ABCD2: variants seen among roughly 807,000 people sequenced by gnomAD.
ABCD2 encodes ATP-binding cassette sub-family D member 2.
A neutral mutation model predicts 70.9 loss-of-function variants in ABCD2; 36 were observed. The ratio of observed to expected loss-of-function variants is 0.51; its 90% CI spans 0.39 to 0.67. The LOEUF (loss-of-function observed/expected upper bound fraction) is 0.67. Among genes scored for constraint, ABCD2 ranks in the 30% least tolerant of loss-of-function variants. ABCD2 has a pLI of 0.00. For missense variants in ABCD2, 729 were observed against 890.2 expected (o/e 0.82, Z 2.30); for synonymous variants, 304 against 306.9 (o/e 0.99, Z 0.10).
At chr12:39,544,035 T>A in the ABCD2 span, among the ~76,000 whole-genome samples, 2 of 152,312 alleles carry the variant, frequency 1.3e-5, no homozygotes, top group East Asian at 3.9e-4. Context: ...GAAAGAGTAA[T>A]TCATGCAGAG....
chr12:39,562,991 A>G (rs1305395705), intron 9 of ABCD2, among the ~76,000 whole-genome samples: 1 of 152,212 alleles, frequency 6.6e-6, no homozygotes, highest in Middle Eastern at 3.2e-3. Context: ...CATCCTGGAG[A>G]TGCAAGAAAG....
intron 4 of ABCD2, 22 bp from the exon 5 acceptor site, chr12:39,604,028 A>C (rs1941936772): frequency 6.7e-7 from 1 of 1,488,584 alleles, no homozygotes; most frequent in Non-Finnish European, 9.4e-7. Flanking sequence ...AAAAAGTGTA[A>C]GATACAAACA....
At chr12:39,569,403 G>A (rs932344754) in intron 9 of ABCD2, among the ~76,000 whole-genome samples, 2 of 152,208 alleles carry the variant, frequency 1.3e-5, no homozygotes, top group African/African-American at 4.8e-5. Flanking sequence ...GCAAGGCTCC[G>A]TGGGCATAGT....
At chr12:39,572,386 T>C (rs994274038) in intron 9 of ABCD2, among the ~76,000 whole-genome samples, 1 of 152,210 alleles carries the variant, frequency 6.6e-6, no homozygotes, top group Admixed American at 6.5e-5. Context: ...ATGTCATTAT[T>C]GTCTTAAAGA....
intron 3 of ABCD2, among the ~76,000 whole-genome samples, chr12:39,605,498 C>T (rs1025580049): frequency 1.1e-4 from 16 of 152,058 alleles, no homozygotes; most frequent in African/African-American, 3.4e-4. Context: ...TGAAGCCAAA[C>T]ATGATTTATA....
chr12:39,531,778 G>A, the ABCD2 span, among the ~76,000 whole-genome samples: 21 of 152,298 alleles, frequency 1.4e-4, no homozygotes, highest in Admixed American at 1.2e-3. Flanking sequence ...AGCATCATTG[G>A]AAGTCTGTAC....
intron 6 of ABCD2, among the ~76,000 whole-genome samples, chr12:39,596,018 A>T (rs1162655195): frequency 1.3e-5 from 2 of 152,198 alleles, no homozygotes; most frequent in Non-Finnish European, 2.9e-5. Context: ...TCCAGTATGT[A>T]CTGATGACTT....
intron 6 of ABCD2, among the ~76,000 whole-genome samples, chr12:39,592,081 C>T: frequency 6.6e-6 from 1 of 152,060 alleles, no homozygotes; most frequent in South Asian, 2.1e-4. Flanking sequence ...CTGAACTGTA[C>T]CAACTACTAC....
At chr12:39,544,797 C>CGAA in the ABCD2 span, among the ~76,000 whole-genome samples, 1 of 152,142 alleles carries the variant, frequency 6.6e-6, no homozygotes, top group Non-Finnish European at 1.5e-5. Flanking sequence ...TTGCAACTGT[C>CGAA]TGAGTGTACT....
At chr12:39,567,303 A>G (rs1283220586) in intron 9 of ABCD2, among the ~76,000 whole-genome samples, 4 of 152,210 alleles carry the variant, frequency 2.6e-5, no homozygotes, top group Non-Finnish European at 5.9e-5. Context: ...TGCTTTATGC[A>G]TCTGGGTGCT....
Position 39,554,043 on chromosome 12 carries a change from C to A in ABCD2, c.2092G>T (p.Glu698Ter), listed in dbSNP as rs202117269. The change falls in exon 10 of 10, where the codon GAA becomes TAA. Residue 698 changes from glutamate to a stop codon, truncating the protein, a stop_gained. Coordinates refer to ENST00000308666, the MANE Select transcript of ABCD2 (RefSeq NM_005164.4). LOFTEE classifies it high-confidence loss of function. ...LDTAIRLTLS[E>*]EKQKLESQLA... ...TGAGATTCTAGCTTTTGTTTTTCTT[C>A]ACTCAATGTCAAACGGATAGCAGTA... 4.6e-5 allele frequency: 75 copies of A among 1,613,668 alleles called. No homozygotes were observed. Among genetic ancestry groups the A allele is most frequent in the Non-Finnish European group, 6.3e-5 (74 of 1,179,828 alleles).
intron 9 of ABCD2, among the ~76,000 whole-genome samples, chr12:39,558,860 T>C (rs1189076430): frequency 6.6e-6 from 1 of 151,734 alleles, no homozygotes; most frequent in Non-Finnish European, 1.5e-5. Flanking sequence ...ATTAGAGAAA[T>C]GCAACAGATA....
At position 39,553,947 on chromosome 12, in the gene ABCD2, G is replaced by A; in HGVS notation, c.2188C>T (p.Leu730=). The change falls in exon 10 of 10, where the codon CTG becomes TTG. Residue 730 remains leucine (L), a synonymous_variant. Coordinates refer to ENST00000308666, the MANE Select transcript of ABCD2 (RefSeq NM_005164.4). ...LCKILGEDSV[L]KTIKNEDETS ...TCATCTTCATTTTTAATTGTTTTCAGCACTGAGTCTTCTCCCAAAATTTTA... is the reference window on the plus strand; with the variant it reads ...TCATCTTCATTTTTAATTGTTTTCAACACTGAGTCTTCTCCCAAAATTTTA... 6.2e-7 allele frequency: 1 copy of A among 1,612,268 alleles called. No individual in the cohort carries two copies. Among genetic ancestry groups the A allele is most frequent in the Non-Finnish European group, 8.5e-7 (1 of 1,179,486 alleles).
chr12:39,566,797 T>C (rs1019513670), intron 9 of ABCD2, among the ~76,000 whole-genome samples: 1 of 152,244 alleles, frequency 6.6e-6, no homozygotes, highest in African/African-American at 2.4e-5. Flanking sequence ...TACACACTGC[T>C]TTGAATGTGT....
chr12:39,564,284 C>T (rs776723613), intron 9 of ABCD2, among the ~76,000 whole-genome samples: 2 of 152,180 alleles, frequency 1.3e-5, no homozygotes, highest in Non-Finnish European at 2.9e-5. Context: ...TCCTCTCCAG[C>T]ACCTGTTGTT....
intron 6 of ABCD2, among the ~76,000 whole-genome samples, chr12:39,598,336 A>AT (rs1424566040): frequency 1.3e-5 from 2 of 152,146 alleles, no homozygotes; most frequent in Non-Finnish European, 2.9e-5. Flanking sequence ...TTGAAATTTC[A>AT]TTTTTTTGCT....
chr12:39,564,607 T>C (rs1227563902), intron 9 of ABCD2, among the ~76,000 whole-genome samples: 1 of 152,354 alleles, frequency 6.6e-6, no homozygotes. Context: ...GTAGTTTCTT[T>C]TGCTGTGCAG....
intron 9 of ABCD2, among the ~76,000 whole-genome samples, chr12:39,569,115 C>G (rs1941406252): frequency 1.3e-5 from 2 of 152,306 alleles, no homozygotes; most frequent in East Asian, 1.9e-4. Context: ...TCTCAGATCT[C>G]CAGCTGTGTG....
At chr12:39,576,984 G>T (rs1183721675) in intron 8 of ABCD2, among the ~76,000 whole-genome samples, 1 of 151,536 alleles carries the variant, frequency 6.6e-6, no homozygotes, top group Non-Finnish European at 1.5e-5. Context: ...AAATAAAAAG[G>T]ATATAAATTA....
Sources: gnomAD v4.1 joint callset for allele counts (sites outside exome capture counted in the v4.1 genomes callset) on GRCh38, gnomAD v4.1.1 for gene constraint, MANE v1.5 for transcripts, NCBI Gene and HGNC (gene_info 2026-07-23, HGNC 2026-07-21) for gene names.